The following DPP10 variants were observed in gnomAD, a reference collection of about 807,000 sequenced individuals.
DPP10 encodes inactive dipeptidyl peptidase 10.
DPP10 carries 33 observed loss-of-function variants against 120.9 expected under a neutral mutation model. The ratio of observed to expected loss-of-function variants is 0.27; its 90% confidence interval spans 0.21 to 0.37. DPP10 has a LOEUF of 0.37. Among genes scored for constraint, DPP10 ranks in the 10% least tolerant of loss-of-function variants. The pLI, the probability that DPP10 is intolerant of heterozygous loss-of-function variation, is 1.00. For synonymous variants in DPP10, 337 were observed against 326.1 expected (o/e 1.03, Z -0.36); for missense variants, 816 against 942.8 (o/e 0.87, Z 1.76).
At chr2:115,194,466 C>G (rs1038652215) in intron 1 of DPP10, among the ~76,000 whole-genome samples, 3 of 152,118 alleles carry the variant, frequency 2.0e-5, no homozygotes, top group African/African-American at 7.2e-5. Flanking sequence ...TTGCCAGTGG[C>G]CTTCGTGCTT....
chr2:115,775,175 G>A (rs186541636), intron 13 of DPP10, among the ~76,000 whole-genome samples: 269 of 151,506 alleles, frequency 1.8e-3, no homozygotes, highest in Non-Finnish European at 2.0e-3. Flanking sequence ...TATATCCAAT[G>A]TCAGAATTTA....
chr2:114,843,123 T>C (rs941148148), intron 1 of DPP10, among the ~76,000 whole-genome samples: 1 of 152,164 alleles, frequency 6.6e-6, no homozygotes. Flanking sequence ...TAATGGCATT[T>C]GCCATCTTAA....
At chr2:114,526,409 T>A (rs1173563526) in intron 1 of DPP10, among the ~76,000 whole-genome samples, 2 of 152,184 alleles carry the variant, frequency 1.3e-5, no homozygotes, top group Non-Finnish European at 2.9e-5. Flanking sequence ...TTTTACAATA[T>A]CTGTATTTAT....
intron 3 of DPP10, among the ~76,000 whole-genome samples, chr2:115,469,193 T>G (rs1004674114): frequency 3.3e-5 from 5 of 152,170 alleles, no homozygotes; most frequent in African/African-American, 1.2e-4. Context: ...AAATAAACAT[T>G]ATTGTCTAAA....
At chr2:114,539,453 C>A (rs1348828715) in intron 1 of DPP10, among the ~76,000 whole-genome samples, 1 of 152,114 alleles carries the variant, frequency 6.6e-6, no homozygotes, top group East Asian at 1.9e-4. Flanking sequence ...CCTGTGTGGC[C>A]TGGCCTTTTC....
intron 21 of DPP10, among the ~76,000 whole-genome samples, chr2:115,833,576 A>G (rs1689147156): frequency 6.6e-6 from 1 of 152,148 alleles, no homozygotes; most frequent in Non-Finnish European, 1.5e-5. Context: ...TCCAAATCCA[A>G]AATGTTTTGA....
At chr2:115,565,899 C>T (rs1198454717) in intron 5 of DPP10, among the ~76,000 whole-genome samples, 2 of 151,590 alleles carry the variant, frequency 1.3e-5, no homozygotes, top group Non-Finnish European at 2.9e-5. Flanking sequence ...GATTCTCCTG[C>T]CTCAGCCTCC....
chr2:115,038,133 T>C (rs1435380996), intron 1 of DPP10, among the ~76,000 whole-genome samples: 1 of 152,192 alleles, frequency 6.6e-6, no homozygotes, highest in Non-Finnish European at 1.5e-5. Context: ...GATATTTGCC[T>C]GGTGGAGGGG....
intron 3 of DPP10, among the ~76,000 whole-genome samples, chr2:115,440,660 A>G (rs2104863476): frequency 6.6e-6 from 1 of 152,356 alleles, no homozygotes; most frequent in East Asian, 1.9e-4. Context: ...AAATGCAATA[A>G]TTCTACAGAA....
intron 3 of DPP10, among the ~76,000 whole-genome samples, chr2:115,475,667 C>T (rs1394310945): frequency 6.6e-6 from 1 of 152,226 alleles, no homozygotes; most frequent in African/African-American, 2.4e-5. Context: ...GCACTCAACG[C>T]CAGCCCATGA....
chr2:115,786,152 A>T (rs937371441), intron 17 of DPP10, among the ~76,000 whole-genome samples: 36 of 152,196 alleles, frequency 2.4e-4, no homozygotes, highest in African/African-American at 7.2e-4. Context: ...TTACATGCTT[A>T]TAACAGTCTA....
At chr2:115,042,008 C>CT (rs5833573) in intron 1 of DPP10, among the ~76,000 whole-genome samples, 29,801 of 80,336 alleles carry the variant, frequency 0.37, 6,165 homozygotes, top group Non-Finnish European at 0.47. Flanking sequence ...TCTATCTTAT[C>CT]TTTTTTTTTT....
At chr2:115,626,596 G>A (rs2085381326) in intron 5 of DPP10, among the ~76,000 whole-genome samples, 1 of 151,942 alleles carries the variant, frequency 6.6e-6, no homozygotes, top group African/African-American at 2.4e-5. Context: ...ATTGTTTTCT[G>A]TATATATTGT....
chr2:115,032,093 T>G (rs1049162621), intron 1 of DPP10, among the ~76,000 whole-genome samples: 1 of 151,910 alleles, frequency 6.6e-6, no homozygotes, highest in African/African-American at 2.4e-5. Context: ...GCAGTGAGGA[T>G]AAAATGGCTA....
chr2:115,472,177 A>G (rs1046819963), intron 3 of DPP10, among the ~76,000 whole-genome samples: 10 of 152,100 alleles, frequency 6.6e-5, no homozygotes, highest in African/African-American at 1.9e-4. Flanking sequence ...TCATTTACTC[A>G]TTCTGACAAG....
In DPP10 at chr2:115,234,941, C is replaced by G. The variant is rs1044211871; in HGVS notation, c.61-74298C>G. Among the ~76,000 whole-genome samples, 9 of 152,122 alleles carry G rather than the reference C, an allele frequency of 5.9e-5. No homozygotes were observed. In the East Asian group the frequency reaches 1.4e-3, roughly 23 times the overall value. On this transcript the variant is annotated intron_variant, in intron 1 of 25. Coordinates refer to ENST00000410059, the MANE Select transcript of DPP10 (RefSeq NM_020868.6). ...CTTGCTTCAAAGTCTAAACTGGGAC[C>G]TCCTTGCTGCCTTGAAGGGTAAATT... is the stretch of plus-strand genomic sequence containing the variant.
In DPP10 at chr2:115,611,128, A is replaced by T. The variant is rs146692883; in HGVS notation, c.442-78559A>T. Among the ~76,000 whole-genome samples, 927 of 152,298 alleles carry T rather than the reference A, an allele frequency of 6.1e-3. 13 individuals carry two copies. The highest frequency in any genetic ancestry group is 0.02 in the African/African-American group (848 of 41,542). ...TTGTAGTGCATTTTTTAAAATCTTC[A>T]TGCAGGAAATGAAAGAGAAAAAAAG... is the stretch of plus-strand genomic sequence containing the variant. On this transcript the variant is annotated intron_variant, in intron 5 of 25. Coordinates refer to ENST00000410059, the MANE Select transcript of DPP10 (RefSeq NM_020868.6).
intron 1 of DPP10, among the ~76,000 whole-genome samples, chr2:115,272,024 C>T (rs192035391): frequency 1.3e-5 from 2 of 152,262 alleles, no homozygotes; most frequent in Non-Finnish European, 1.5e-5. Flanking sequence ...TAGTTATATT[C>T]ACATTCTCTT....
intron 1 of DPP10, among the ~76,000 whole-genome samples, chr2:115,188,562 G>A (rs901608894): frequency 3.9e-5 from 6 of 152,034 alleles, no homozygotes; most frequent in South Asian, 4.1e-4. Flanking sequence ...TACAATAAAC[G>A]AAATGTTTTC....
Sources: gnomAD v4.1 joint callset for allele counts (sites outside exome capture counted in the v4.1 genomes callset) on GRCh38, gnomAD v4.1.1 for gene constraint, MANE v1.5 for transcripts, NCBI Gene and HGNC (gene_info 2026-07-23, HGNC 2026-07-21) for gene names.